Variants in BICD1 observed in about 807,000 individuals in gnomAD.
BICD1 encodes the protein protein bicaudal D homolog 1.
A neutral mutation model predicts 92.5 loss-of-function variants in BICD1; 35 were observed. The ratio of observed to expected loss-of-function variants is 0.38; its 90% CI spans 0.29 to 0.50. The LOEUF (loss-of-function observed/expected upper bound fraction) is 0.50. Among genes scored for constraint, BICD1 ranks in the 20% least tolerant of loss-of-function variants. The pLI is 0.93. For missense variants in BICD1, 950 were observed against 1,189.8 expected, an observed-to-expected ratio of 0.80 and a Z score of 2.97; for synonymous variants, 429 against 465.1, an observed-to-expected ratio of 0.92 and a Z score of 1.00.
intron 4 of BICD1, among the ~76,000 whole-genome samples, chr12:32,327,199 T>C (rs1314241392): frequency 1.3e-5 from 2 of 152,242 alleles, no homozygotes; most frequent in African/African-American, 2.4e-5. Flanking sequence ...TCTAATAACA[T>C]TGAAGTTTCG....
In BICD1 at chr12:32,164,406, A is replaced by G. The variant is rs188156457; in HGVS notation, c.214-51841A>G. Among the ~76,000 whole-genome samples the G allele has an allele frequency of 4.7e-3, 711 of 152,350 alleles. 1 individual carries two copies. Among genetic ancestry groups the G allele is most frequent in the Non-Finnish European group, 8.0e-3 (544 of 68,038 alleles). On this transcript the variant is annotated intron_variant, in intron 1 of 9. Transcript: ENST00000652176. ...TCTTTCCACCCTGTAAACTGAAAAT[A>G]AATCAGAATATATGGTTCAAAAGTG...
chr12:32,307,491 G>T (rs1448022957), intron 4 of BICD1, among the ~76,000 whole-genome samples: 3 of 120,890 alleles, frequency 2.5e-5, no homozygotes, highest in African/African-American at 9.3e-5. Context: ...TAGATCTACT[G>T]AACTAGAAAC....
chr12:32,177,124 G>C (rs1053969342), intron 1 of BICD1, among the ~76,000 whole-genome samples: 2 of 151,844 alleles, frequency 1.3e-5, no homozygotes, highest in Non-Finnish European at 2.9e-5. Context: ...AGACCAGCCT[G>C]GCCAACATGG....
chr12:32,296,132 A>G (rs1261187936), intron 3 of BICD1, among the ~76,000 whole-genome samples: 1 of 148,388 alleles, frequency 6.7e-6, no homozygotes, highest in Non-Finnish European at 1.5e-5. Flanking sequence ...GCCATTCCAG[A>G]GGCTCCCCAG....
At chr12:32,155,901 T>C (rs1943421202) in intron 1 of BICD1, among the ~76,000 whole-genome samples, 1 of 152,204 alleles carries the variant, frequency 6.6e-6, no homozygotes, top group Non-Finnish European at 1.5e-5. Context: ...ACCAGGCCTT[T>C]CCAGTGATCC....
At chr12:32,161,912 T>C (rs1943612596) in intron 1 of BICD1, among the ~76,000 whole-genome samples, 1 of 152,160 alleles carries the variant, frequency 6.6e-6, no homozygotes, top group South Asian at 2.1e-4. Context: ...AGCTGCCAGT[T>C]TTAGAGTTAT....
chr12:32,128,093 A>G (rs2630607), intron 1 of BICD1, among the ~76,000 whole-genome samples: 43,923 of 151,890 alleles, frequency 0.29, 6,584 homozygotes, highest in Admixed American at 0.43. Context: ...TAGTAGAGAC[A>G]GGGTTTCACC....
In BICD1 at chr12:32,328,244, A is replaced by G; in HGVS notation, c.1789A>G (p.Thr597Ala). ...EASKEPSPTK[T>A]PTISPVITAP... Reference sequence around the variant, plus strand: ...CAGCAAAGAACCAAGTCCAACTAAGACCCCCACAATCTCTCCTGTTATTAC... The same window carrying G: ...CAGCAAAGAACCAAGTCCAACTAAGGCCCCCACAATCTCTCCTGTTATTAC... The change falls in exon 5 of 10, where the codon ACC (threonine) becomes GCC (alanine). Residue 597 changes from threonine to alanine, a missense_variant. Physicochemically the swap from Thr to Ala is moderately conservative, Grantham distance 58. Coordinates refer to ENST00000652176, the MANE Select transcript of BICD1 (RefSeq NM_001714.4). This position sits in a 1 kb window ranked among gnomAD's most constrained non-coding sequence, Gnocchi z 4.4. 6.2e-7 allele frequency: 1 copy of G among 1,613,804 alleles called. No individual in the cohort carries two copies. Among genetic ancestry groups the G allele is most frequent in the Middle Eastern group, 1.6e-4 (1 of 6,062 alleles).
At chr12:32,108,044 A>G in intron 1 of BICD1, 1 of 292,210 alleles carries the variant, frequency 3.4e-6, no homozygotes, top group Non-Finnish European at 6.6e-6. Flanking sequence ...CCATTTGACA[A>G]AGGCTAGGCA....
At chr12:32,361,118 C>T (rs1279783683) in intron 8 of BICD1, among the ~76,000 whole-genome samples, 1 of 152,208 alleles carries the variant, frequency 6.6e-6, no homozygotes, top group Non-Finnish European at 1.5e-5. Context: ...TAAGACAAGA[C>T]AGTGCCACTG....
intron 1 of BICD1, among the ~76,000 whole-genome samples, chr12:32,177,730 T>TATATATTTATAAAAATATATAA (rs1325560376): frequency 2.3e-5 from 3 of 133,178 alleles, no homozygotes; most frequent in African/African-American, 5.1e-5. Context: ...TAAATATATT[T>TATATATTTATAAAAATATATAA]ATATATTTAT....
chr12:32,270,627 A>T (rs1947113353), intron 2 of BICD1, among the ~76,000 whole-genome samples: 1 of 152,232 alleles, frequency 6.6e-6, no homozygotes. Flanking sequence ...TTTACGTAAA[A>T]CTATGATAAG....
In BICD1 at chr12:32,322,130, C is replaced by G. The variant is rs147085226; in HGVS notation, c.1006-5331C>G. 3.2e-4 allele frequency among the ~76,000 whole-genome samples: 49 copies of G among 152,038 alleles called. 1 individual carries two copies. The East Asian group carries it at 5.8e-3, about 18-fold the overall frequency. ...ACAGTGTTGGAGTTTTACAAAATTA[C>G]CTGTATTTTAGTAATTTTTTTGTCA... On this transcript the variant is annotated intron_variant, in intron 4 of 9. Coordinates refer to ENST00000652176, the MANE Select transcript of BICD1 (RefSeq NM_001714.4).
chr12:32,114,980 A>T (rs1312900381), intron 1 of BICD1, among the ~76,000 whole-genome samples: 1 of 151,948 alleles, frequency 6.6e-6, no homozygotes, highest in Non-Finnish European at 1.5e-5. Context: ...TTGAAGATGC[A>T]TTAGCATTTT....
chr12:32,301,996 C>T (rs2136210865), intron 3 of BICD1, among the ~76,000 whole-genome samples: 1 of 152,250 alleles, frequency 6.6e-6, no homozygotes, highest in South Asian at 2.1e-4. Context: ...ACGCCATTCT[C>T]CTGCCTCAGC....
At chr12:32,299,806 CG>C (rs1396038496) in intron 3 of BICD1, among the ~76,000 whole-genome samples, 1 of 152,050 alleles carries the variant, frequency 6.6e-6, no homozygotes, top group African/African-American at 2.4e-5. Context: ...AGCAAGAGAT[CG>C]GGTCTTACAG....
At chr12:32,210,453 C>T (rs774311727) in intron 1 of BICD1, among the ~76,000 whole-genome samples, 1 of 152,018 alleles carries the variant, frequency 6.6e-6, no homozygotes. Flanking sequence ...TACGAAATTT[C>T]TGTTTATCAA....
chr12:32,216,153 C>T (rs2121554161), intron 1 of BICD1, 94 bp from the exon 2 acceptor site: 1 of 1,277,106 alleles, frequency 7.8e-7, no homozygotes, highest in East Asian at 2.4e-5. Context: ...GCTTTTCTTA[C>T]ACATATAAGC....
intron 2 of BICD1, among the ~76,000 whole-genome samples, chr12:32,241,628 A>G (rs12296246): frequency 0.12 from 18,312 of 152,136 alleles, 1,797 homozygotes; most frequent in African/African-American, 0.27. Flanking sequence ...CAATCTGTGA[A>G]TTGTACTCCT....
Sources: gnomAD v4.1 joint callset for allele counts (sites outside exome capture counted in the v4.1 genomes callset) on GRCh38, gnomAD v4.1.1 for gene constraint, Gnocchi (gnomAD v3.1) non-coding constraint, MANE v1.5 for transcripts, NCBI Gene and HGNC (gene_info 2026-07-23, HGNC 2026-07-21) for gene names.